PARP8: variants seen among roughly 807,000 people sequenced by gnomAD.
PARP8 encodes the protein protein mono-ADP-ribosyltransferase PARP8.
A neutral mutation model predicts 124.1 loss-of-function variants in PARP8; 51 were observed. That is an observed-to-expected ratio of 0.41 (90% CI 0.33 to 0.52). The LOEUF (loss-of-function observed/expected upper bound fraction) is 0.52, where lower values mean the gene tolerates loss of function less well. Ranked by LOEUF, PARP8 falls within the 20% of genes least tolerant of loss-of-function variation. PARP8 has a pLI of 0.21. For missense variants in PARP8, 860 were observed against 1,018.9 expected (o/e 0.84, Z 2.12); for synonymous variants, 391 against 361.5 (o/e 1.08, Z -0.93).
At chr5:50,728,008 A>G (rs1043590503) in intron 2 of PARP8, among the ~76,000 whole-genome samples, 17 of 152,234 alleles carry the variant, frequency 1.1e-4, no homozygotes, top group African/African-American at 3.9e-4. Flanking sequence ...GTCTTCAGTA[A>G]TCATTTACTT....
upstream of PARP8, chr5:50,666,608 G>C (rs1032477937): frequency 2.7e-5 from 4 of 149,152 alleles, no homozygotes; most frequent in East Asian, 7.9e-4. Flanking sequence ...CACGGCTGCC[G>C]CCGCCCGCGG....
At position 50,803,471 on chromosome 5, in the gene PARP8, A is replaced by G. The variant is rs116741808; in HGVS notation, c.1575+6238A>G. The stretch of plus-strand genomic sequence containing the variant: ...GAATTTCCATTATCTGTATGTTTGT[A>G]TGCTTGATGGTACCCCATAGATCTC... On this transcript the variant is annotated intron_variant, in intron 14 of 25. Coordinates refer to ENST00000281631, the MANE Select transcript of PARP8 (RefSeq NM_024615.4). Among the ~76,000 whole-genome samples the G allele has an allele frequency of 1.9e-3, 295 of 152,040 alleles. 1 individual carries two copies. Among genetic ancestry groups the G allele is most frequent in the Non-Finnish European group, 2.5e-3 (173 of 67,988 alleles).
chr5:50,794,127 AT>A lies in PARP8; in HGVS notation c.738-76del, dbSNP rs1742260463. On this transcript the variant is annotated intron_variant, in intron 10 of 25. Transcript: ENST00000281631. ...GTGTTTGCATTTATTTGATAAATGC[AT>A]TTTCTACATAATAAATACAGTAACA... is the stretch of plus-strand genomic sequence containing the variant. 3 of 1,442,776 alleles carry A rather than the reference AT, an allele frequency of 2.1e-6. No individual in the cohort carries two copies. The African/African-American group carries it at 4.3e-5, about 21-fold the overall frequency. The allele number at this position is 1,442,776 out of a possible 1,614,324, so 89.4% of individuals were successfully genotyped here.
chr5:50,715,997 T>C (rs1473215162), intron 2 of PARP8, among the ~76,000 whole-genome samples: 1 of 152,078 alleles, frequency 6.6e-6, no homozygotes, highest in Non-Finnish European at 1.5e-5. Flanking sequence ...AAAGTACATA[T>C]GAATGAATAA....
At chr5:50,811,632 C>T (rs1441367415) in intron 14 of PARP8, among the ~76,000 whole-genome samples, 1 of 151,790 alleles carries the variant, frequency 6.6e-6, no homozygotes, top group Non-Finnish European at 1.5e-5. Flanking sequence ...AGTACATGTG[C>T]ACGAAGTGCA....
intron 15 of PARP8, among the ~76,000 whole-genome samples, chr5:50,818,897 G>A (rs375649231): frequency 6.6e-6 from 1 of 152,212 alleles, no homozygotes; most frequent in African/African-American, 2.4e-5. Context: ...GCCACTTTCT[G>A]TGTGGTGACC....
chr5:50,770,340 ACATCATTCATCATCTTTCCT>A (rs1249127910), intron 7 of PARP8, among the ~76,000 whole-genome samples: 5 of 152,152 alleles, frequency 3.3e-5, no homozygotes, highest in Admixed American at 3.3e-4. Context: ...CTTTACTTGA[ACATCATTCATCATCTTTCCT>A]CATCATTCAG....
intron 7 of PARP8, among the ~76,000 whole-genome samples, chr5:50,767,180 C>T (rs1336351849): frequency 6.6e-6 from 1 of 152,058 alleles, no homozygotes; most frequent in Non-Finnish European, 1.5e-5. Context: ...TCTATATTAA[C>T]AATAAGGTAG....
chr5:50,671,582 T>C (rs1750022699), intron 2 of PARP8, among the ~76,000 whole-genome samples: 3 of 152,150 alleles, frequency 2.0e-5, no homozygotes, highest in African/African-American at 4.8e-5. Context: ...GACTTCTGTC[T>C]TCTGTTAACA....
rs143057641 is a variant in PARP8 at position 50,844,503 on chromosome 5, A to G, written c.*2435A>G. 1 of 151,972 alleles carries G rather than the reference A, an allele frequency of 6.6e-6. No individual in the cohort carries two copies. The highest frequency in any genetic ancestry group is 2.4e-5 in the African/African-American group (1 of 41,536). The allele number at this position is 151,972 out of a possible 1,614,324, so 9.4% of individuals were successfully genotyped here. ...AGGTCCATACAATTTAGAGATTTGA[A>G]CACTGTTATCATGCTTTAATTCAGT... is the stretch of plus-strand genomic sequence containing the variant. On this transcript the variant is annotated 3_prime_UTR_variant, in exon 26 of 26. Coordinates refer to ENST00000281631, the MANE Select transcript of PARP8 (RefSeq NM_024615.4).
At chr5:50,792,188 T>C (rs17803788) in intron 10 of PARP8, among the ~76,000 whole-genome samples, 4,349 of 152,272 alleles carry the variant, frequency 0.029, 107 homozygotes, top group Non-Finnish European at 0.041. Flanking sequence ...TAGTTCCTTT[T>C]GGTGCCAGCA....
At position 50,688,049 on chromosome 5, in the gene PARP8, G is replaced by C. The variant is rs376458856; in HGVS notation, c.146+19924G>C. Among the ~76,000 whole-genome samples the C allele has an allele frequency of 7.2e-5, 11 of 152,130 alleles. No homozygotes were observed. In the East Asian group the frequency reaches 1.9e-3, roughly 27 times the overall value. On this transcript the variant is annotated intron_variant, in intron 2 of 25. Coordinates refer to ENST00000281631, the MANE Select transcript of PARP8 (RefSeq NM_024615.4). ...ATTTATGTAGAGATGATGTCTTGCT[G>C]TGTTGCCCAGGCTTGTCTGGAAGTT...
intron 2 of PARP8, among the ~76,000 whole-genome samples, chr5:50,706,288 T>C (rs759455789): frequency 6.6e-6 from 1 of 152,164 alleles, no homozygotes; most frequent in African/African-American, 2.4e-5. Flanking sequence ...CTTTTACATA[T>C]ATTTTATTGA....
At chr5:50,785,378 C>T (rs1038007059) in intron 9 of PARP8, among the ~76,000 whole-genome samples, 1 of 152,026 alleles carries the variant, frequency 6.6e-6, no homozygotes. Flanking sequence ...ACATATGTAT[C>T]ATACGCAGTT....
At chr5:50,811,770 G>A (rs754537100) in intron 14 of PARP8, among the ~76,000 whole-genome samples, 6 of 152,028 alleles carry the variant, frequency 3.9e-5, no homozygotes, top group Admixed American at 1.3e-4. Context: ...CCTGGTGTGT[G>A]ATGTTCCCCA....
intron 25 of PARP8, among the ~76,000 whole-genome samples, chr5:50,835,765 T>TG (rs1747513490): frequency 6.6e-6 from 1 of 151,752 alleles, no homozygotes; most frequent in Admixed American, 6.6e-5. Flanking sequence ...CATGTCAATG[T>TG]GGGGTTTTTT....
chr5:50,794,999 A>C lies in PARP8; in HGVS notation c.1010A>C (p.His337Pro). The C allele has an allele frequency of 6.2e-7, 1 of 1,614,224 alleles. No homozygotes were observed. Among genetic ancestry groups the C allele is most frequent in the South Asian group, 1.1e-5 (1 of 91,086 alleles). ...KTDDVCVTKS[H>P]RTFGRSLSSD... The stretch of plus-strand genomic sequence containing the variant: ...GATGATGTGTGTGTCACAAAGTCAC[A>C]CAGGACCTTTGGCCGCTCCTTGTCC... Residue 337 changes from histidine to proline, a missense_variant, in exon 12 of 26, where the codon CAC (histidine) becomes CCC (proline). Transcript: ENST00000281631.
rs146501938 is a variant in PARP8 at position 50,795,544 on chromosome 5, C to A, written c.1428+127C>A. 2,596 of 755,866 alleles carry A rather than the reference C, an allele frequency of 3.4e-3. 6 individuals carry two copies. The highest frequency in any genetic ancestry group is 4.1e-3 in the Non-Finnish European group (2,065 of 497,980). 46.8% of individuals were successfully genotyped at this position (755,866 alleles called of 1,614,324 possible). ...TTTTAATTTACTGTTTTTTTAAAATCTTTTTGGATATTGTTTTGCATCCCA... is the reference window on the plus strand; with the variant it reads ...TTTTAATTTACTGTTTTTTTAAAATATTTTTGGATATTGTTTTGCATCCCA... On this transcript the variant is annotated intron_variant, in intron 12 of 25. Coordinates refer to ENST00000281631, the MANE Select transcript of PARP8 (RefSeq NM_024615.4).
At chr5:50,744,466 T>C (rs1758345430) in intron 2 of PARP8, among the ~76,000 whole-genome samples, 1 of 152,178 alleles carries the variant, frequency 6.6e-6, no homozygotes, top group South Asian at 2.1e-4. Context: ...TTGTTGGCTA[T>C]TGGGAGATGT....
Sources: gnomAD v4.1 joint callset for allele counts (sites outside exome capture counted in the v4.1 genomes callset) on GRCh38, gnomAD v4.1.1 for gene constraint, MANE v1.5 for transcripts, NCBI Gene and HGNC (gene_info 2026-07-23, HGNC 2026-07-21) for gene names.